HIVEP1: variants seen among roughly 807,000 people sequenced by gnomAD.
HIVEP1 encodes the protein HIVEP zinc finger 1.
In HIVEP1, 36 loss-of-function variants were observed where a neutral mutation model predicts 180.0. The observed-to-expected ratio is 0.20, with a 90% CI of 0.15 to 0.26. HIVEP1 has a LOEUF of 0.26. HIVEP1 is among the 10% of genes least tolerant of loss of function. The probability of loss-of-function intolerance (pLI) is 1.00; values close to 1 mark genes in which losing one functional copy is unlikely to be tolerated. For missense variants in HIVEP1, 3,143 were observed against 3,268.7 expected, an observed-to-expected ratio of 0.96 and a Z score of 0.94; for synonymous variants, 1,239 against 1,239.0, an observed-to-expected ratio of 1.00 and a Z score of 0.00.
At chr6:12,159,133 G>A (rs1033525009) in intron 7 of HIVEP1, among the ~76,000 whole-genome samples, 5 of 152,044 alleles carry the variant, frequency 3.3e-5, no homozygotes, top group Non-Finnish European at 7.4e-5. Context: ...TTGATTATCT[G>A]GGACCTCGGC....
chr6:12,050,326 C>T (rs1377431965), intron 2 of HIVEP1, among the ~76,000 whole-genome samples: 1 of 152,206 alleles, frequency 6.6e-6, no homozygotes, highest in Non-Finnish European at 1.5e-5. Context: ...TGGCTCACGC[C>T]TGTAATCCCA....
chr6:12,035,240 T>C (rs1007267303), intron 2 of HIVEP1, among the ~76,000 whole-genome samples: 2 of 152,214 alleles, frequency 1.3e-5, no homozygotes, highest in African/African-American at 4.8e-5. Context: ...GAGTCACAGA[T>C]TAATCTTTCT....
At chr6:12,128,023 G>A (rs1227153530) in intron 4 of HIVEP1, among the ~76,000 whole-genome samples, 1 of 152,122 alleles carries the variant, frequency 6.6e-6, no homozygotes, top group Non-Finnish European at 1.5e-5. Flanking sequence ...GCAAAACATG[G>A]CATTTTCAAC....
intron 7 of HIVEP1, among the ~76,000 whole-genome samples, chr6:12,137,982 T>C (rs1758797131): frequency 6.6e-6 from 1 of 152,224 alleles, no homozygotes; most frequent in African/African-American, 2.4e-5. Context: ...CAATATATTT[T>C]TTAAAAACCA....
chr6:12,054,087 C>A (rs1021682302), intron 2 of HIVEP1, among the ~76,000 whole-genome samples: 1 of 152,170 alleles, frequency 6.6e-6, no homozygotes, highest in Non-Finnish European at 1.5e-5. Flanking sequence ...CCATAACTCT[C>A]AGCAACATAT....
chr6:12,044,855 T>C (rs1770025112), intron 2 of HIVEP1, among the ~76,000 whole-genome samples: 1 of 152,220 alleles, frequency 6.6e-6, no homozygotes, highest in African/African-American at 2.4e-5. Context: ...TGCATGTGTG[T>C]TTGCAGTGAA....
chr6:12,167,640 C>A (rs867736232), downstream of HIVEP1, among the ~76,000 whole-genome samples: 1 of 95,758 alleles, frequency 1.0e-5, no homozygotes, highest in African/African-American at 6.5e-5. Flanking sequence ...GTTATATATA[C>A]ATATACATAT....
At chr6:12,196,779 C>T in the HIVEP1 span, among the ~76,000 whole-genome samples, 3 of 152,164 alleles carry the variant, frequency 2.0e-5, no homozygotes, top group Non-Finnish European at 4.4e-5. Context: ...AGTGAAGTTG[C>T]CTCACTCGAT....
At chr6:12,058,297 G>T (rs1771003218) in intron 2 of HIVEP1, among the ~76,000 whole-genome samples, 1 of 152,130 alleles carries the variant, frequency 6.6e-6, no homozygotes, top group Non-Finnish European at 1.5e-5. Context: ...GCAAATGTTA[G>T]TGTTTTGAAA....
rs757212970 is a variant in HIVEP1 at position 12,121,797 on chromosome 6, T to G, written c.2002T>G (p.Leu668Val). ...AGGAAAGCTCCTGAGTCCTCGAAGT[T>G]TAGGAAGTACGGATTCTGGTTACTT... ...QQGKLLSPRS[L>V]GSTDSGYFSR... Residue 668 changes from leucine (L) to valine (V), a missense_variant, in exon 4 of 9, where the codon TTA (leucine) becomes GTA (valine). This residue lies in a region of HIVEP1 where 365 missense variants were observed against 344.4 expected (regional missense o/e 1.06). Coordinates refer to ENST00000379388, the MANE Select transcript of HIVEP1 (RefSeq NM_002114.4). This position sits in a 1 kb window ranked among gnomAD's most constrained non-coding sequence, Gnocchi z 5.3. 1.2e-6 allele frequency: 2 copies of G among 1,613,982 alleles called. No homozygotes were observed. The highest frequency in any genetic ancestry group is 1.7e-6 in the Non-Finnish European group (2 of 1,180,014).
chr6:12,158,933 C>T (rs1192045397), intron 7 of HIVEP1, among the ~76,000 whole-genome samples: 1 of 152,144 alleles, frequency 6.6e-6, no homozygotes, highest in Non-Finnish European at 1.5e-5. Context: ...CTTACCCCAC[C>T]CTCCTGTGAG....
At chr6:12,078,632 T>A (rs1239226834) in intron 2 of HIVEP1, among the ~76,000 whole-genome samples, 1 of 102,424 alleles carries the variant, frequency 9.8e-6, no homozygotes, top group African/African-American at 4.2e-5. Context: ...CATACATATA[T>A]ATACACACAC....
chr6:12,017,036 G>T (rs918826368), intron 2 of HIVEP1, among the ~76,000 whole-genome samples: 1 of 152,200 alleles, frequency 6.6e-6, no homozygotes, highest in African/African-American at 2.4e-5. Context: ...TTTGTTGAAG[G>T]AACGAGTGCA....
chr6:12,119,790 G>T (rs912039303), intron 3 of HIVEP1, 100 bp from the exon 4 acceptor site: 26 of 723,342 alleles, frequency 3.6e-5, no homozygotes, highest in Non-Finnish European at 5.6e-5. Flanking sequence ...TTCTTCACTT[G>T]TCATAATGTC....
chr6:12,183,504 C>T, the HIVEP1 span, among the ~76,000 whole-genome samples: 1 of 152,116 alleles, frequency 6.6e-6, no homozygotes, highest in African/African-American at 2.4e-5. Context: ...GATAAAAGCC[C>T]TTCTTTTTTA....
At chr6:12,151,644 G>A (rs1428960847) in intron 7 of HIVEP1, among the ~76,000 whole-genome samples, 1 of 152,176 alleles carries the variant, frequency 6.6e-6, no homozygotes, top group Non-Finnish European at 1.5e-5. Flanking sequence ...TAAACCTGGA[G>A]GGTGATGTGG....
At chr6:12,013,127 G>T (rs1407135793) in intron 1 of HIVEP1, among the ~76,000 whole-genome samples, 1 of 152,122 alleles carries the variant, frequency 6.6e-6, no homozygotes, top group Non-Finnish European at 1.5e-5. Context: ...TCTCAGGGCT[G>T]CCGCGCTCGC....
chr6:12,010,285 C>A (rs1767202845), upstream of HIVEP1, among the ~76,000 whole-genome samples: 2 of 152,154 alleles, frequency 1.3e-5, no homozygotes, highest in South Asian at 4.1e-4. Flanking sequence ...GCTTTTATAA[C>A]CAAATTTACT....
At chr6:12,114,434 CTTGTTTCTTT>C (rs1000862551) in intron 3 of HIVEP1, among the ~76,000 whole-genome samples, 4 of 152,158 alleles carry the variant, frequency 2.6e-5, no homozygotes, top group African/African-American at 4.8e-5. Flanking sequence ...CTGATTTCCC[CTTGTTTCTTT>C]TTGTTTCTAG....
Sources: allele counts gnomAD v4.1 joint callset (sites outside exome capture counted in the v4.1 genomes callset), GRCh38; gene constraint gnomAD v4.1.1; regional missense constraint gnomAD v4.1.1; non-coding constraint Gnocchi (gnomAD v3.1); transcripts MANE v1.5; gene names NCBI Gene and HGNC (gene_info 2026-07-23, HGNC 2026-07-21).